The following LRRTM4 variants were observed in gnomAD, a reference collection of about 807,000 sequenced individuals.
The protein encoded by LRRTM4 is leucine rich repeat transmembrane neuronal 4.
In LRRTM4, 25 loss-of-function variants were observed where a neutral mutation model predicts 47.6. That is an observed-to-expected ratio of 0.53 (90% CI 0.38 to 0.73). The LOEUF is 0.73. Among genes scored for constraint, LRRTM4 ranks in the 30% least tolerant of loss-of-function variants. The pLI, the probability that LRRTM4 is intolerant of heterozygous loss-of-function variation, is 0.00. For synonymous variants in LRRTM4, 311 were observed against 269.5 expected (o/e 1.15, Z -1.51); for missense variants, 638 against 713.4 (o/e 0.89, Z 1.20).
chr2:76,808,371 A>G (rs976812253), intron 3 of LRRTM4, among the ~76,000 whole-genome samples: 1 of 151,978 alleles, frequency 6.6e-6, no homozygotes, highest in African/African-American at 2.4e-5. Flanking sequence ...AATTACCTAT[A>G]ATGTTCATTC....
intron 3 of LRRTM4, among the ~76,000 whole-genome samples, chr2:77,008,526 G>A (rs889181678): frequency 6.6e-6 from 1 of 152,140 alleles, no homozygotes; most frequent in Non-Finnish European, 1.5e-5. Flanking sequence ...TGCTGGCATT[G>A]TCACCACAGA....
At chr2:77,405,536 C>A (rs1020012772) in intron 3 of LRRTM4, among the ~76,000 whole-genome samples, 1 of 152,096 alleles carries the variant, frequency 6.6e-6, no homozygotes, top group Non-Finnish European at 1.5e-5. Context: ...AATGTCACTT[C>A]CTGCATTTTT....
intron 3 of LRRTM4, among the ~76,000 whole-genome samples, chr2:76,775,027 C>A (rs1581254): frequency 0.62 from 94,781 of 151,990 alleles, 29,962 homozygotes; most frequent in African/African-American, 0.7. Flanking sequence ...TGTGGTGTCT[C>A]TTAGCTCTCG....
chr2:76,764,295 T>G (rs187975796), intron 3 of LRRTM4, among the ~76,000 whole-genome samples: 169 of 152,260 alleles, frequency 1.1e-3, no homozygotes, highest in African/African-American at 3.8e-3. Flanking sequence ...AAGAGAACAA[T>G]AAGGCTGTGA....
intron 3 of LRRTM4, among the ~76,000 whole-genome samples, chr2:77,294,689 T>G (rs886824604): frequency 6.6e-6 from 1 of 152,136 alleles, no homozygotes; most frequent in African/African-American, 2.4e-5. Flanking sequence ...AGATTTATGT[T>G]CTTCTCAGAG....
At chr2:77,293,164 G>T (rs1049566915) in intron 3 of LRRTM4, among the ~76,000 whole-genome samples, 1 of 152,042 alleles carries the variant, frequency 6.6e-6, no homozygotes, top group African/African-American at 2.4e-5. Context: ...GAAGAAAAAA[G>T]TGTCATTAAA....
chr2:77,027,632 G>C (rs1000722068), intron 3 of LRRTM4, among the ~76,000 whole-genome samples: 3 of 152,132 alleles, frequency 2.0e-5, no homozygotes, highest in African/African-American at 7.2e-5. Flanking sequence ...TGTGCTTTCT[G>C]AATCACTAAG....
At chr2:77,256,599 A>G (rs9973402) in intron 3 of LRRTM4, among the ~76,000 whole-genome samples, 18,720 of 152,140 alleles carry the variant, frequency 0.12, 3,863 homozygotes, top group African/African-American at 0.42. Flanking sequence ...ACAAGCTCTC[A>G]ACTGCCAACA....
chr2:76,927,559 C>A (rs1674627389), intron 3 of LRRTM4, among the ~76,000 whole-genome samples: 1 of 152,058 alleles, frequency 6.6e-6, no homozygotes, highest in Non-Finnish European at 1.5e-5. Context: ...TTCCAAAAGT[C>A]ATGTATGTAA....
intron 3 of LRRTM4, among the ~76,000 whole-genome samples, chr2:77,475,883 A>T (rs1677367951): frequency 6.6e-6 from 1 of 151,868 alleles, no homozygotes; most frequent in Admixed American, 6.6e-5. Flanking sequence ...TTGCCTGTTT[A>T]CATTCTATGC....
chr2:77,032,779 G>T (rs1678708274), intron 3 of LRRTM4, among the ~76,000 whole-genome samples: 1 of 152,002 alleles, frequency 6.6e-6, no homozygotes, highest in South Asian at 2.1e-4. Context: ...TTTATAAACA[G>T]CATTTATAGA....
intron 3 of LRRTM4, among the ~76,000 whole-genome samples, chr2:76,779,819 T>C (rs992821662): frequency 6.6e-6 from 1 of 152,180 alleles, no homozygotes; most frequent in Non-Finnish European, 1.5e-5. Flanking sequence ...GTTAGCTGGT[T>C]ATTTTGCTCG....
intron 3 of LRRTM4, among the ~76,000 whole-genome samples, chr2:77,315,808 T>C (rs1428628581): frequency 6.6e-6 from 1 of 152,224 alleles, no homozygotes; most frequent in Non-Finnish European, 1.5e-5. Context: ...AATGTGATCA[T>C]CACAGAAGAT....
At chr2:77,054,009 A>G (rs912341501) in intron 3 of LRRTM4, among the ~76,000 whole-genome samples, 6 of 152,162 alleles carry the variant, frequency 3.9e-5, no homozygotes, top group Non-Finnish European at 7.3e-5. Context: ...GTATTGTATG[A>G]TAAGTTTTGG....
chr2:77,157,632 C>T lies in LRRTM4; in HGVS notation c.1551+360686G>A, dbSNP rs182177170. ...TCAGAGAAAGGAGTAACATTCTGCA[C>T]TTGACTAGAAATAAACCTATAATGT... On this transcript the variant is annotated intron_variant, in intron 3 of 3. Transcript: ENST00000409884. 3.9e-5 allele frequency among the ~76,000 whole-genome samples: 6 copies of T among 152,136 alleles called. No homozygotes were observed. In the East Asian group the frequency reaches 1.2e-3, roughly 29 times the overall value.
At chr2:77,419,563 A>T (rs1674787795) in intron 3 of LRRTM4, among the ~76,000 whole-genome samples, 1 of 152,198 alleles carries the variant, frequency 6.6e-6, no homozygotes, top group African/African-American at 2.4e-5. Context: ...GACAAGAAAA[A>T]AAATCTGTAC....
At chr2:77,140,255 T>C (rs1435972464) in intron 3 of LRRTM4, among the ~76,000 whole-genome samples, 1 of 152,188 alleles carries the variant, frequency 6.6e-6, no homozygotes, top group African/African-American at 2.4e-5. Context: ...CAAAACAGCA[T>C]GGTACTGGTA....
chr2:76,985,369 T>G (rs975055920), intron 3 of LRRTM4, among the ~76,000 whole-genome samples: 1 of 152,038 alleles, frequency 6.6e-6, no homozygotes, highest in African/African-American at 2.4e-5. Context: ...TCACAGAGTT[T>G]GCTTTCAGCT....
intron 3 of LRRTM4, among the ~76,000 whole-genome samples, chr2:77,090,395 T>C: frequency 6.6e-6 from 1 of 152,186 alleles, no homozygotes; most frequent in East Asian, 1.9e-4. Flanking sequence ...GTCGTCTTAT[T>C]CTCAAAATAC....
Sources: allele counts gnomAD v4.1 joint callset (sites outside exome capture counted in the v4.1 genomes callset), GRCh38; gene constraint gnomAD v4.1.1; transcripts MANE v1.5; gene names NCBI Gene and HGNC (gene_info 2026-07-23, HGNC 2026-07-21).